Variants in CAST observed in about 807,000 individuals in gnomAD.
CAST encodes the protein MIR583 host.
Under a neutral mutation model 119.6 loss-of-function variants are expected in CAST, and 76 were observed. The observed-to-expected ratio is 0.64, with a 90% CI of 0.53 to 0.77. The LOEUF (loss-of-function observed/expected upper bound fraction) is 0.77, where lower values mean the gene tolerates loss of function less well. Ranked by LOEUF, CAST falls within the 30% of genes least tolerant of loss-of-function variation. The pLI, the probability that CAST is intolerant of heterozygous loss-of-function variation, is 0.00. For missense variants in CAST, 953 were observed against 946.5 expected (o/e 1.01, Z -0.09); for synonymous variants, 319 against 331.6 (o/e 0.96, Z 0.41).
the CAST span, among the ~76,000 whole-genome samples, chr5:95,994,943 C>T: frequency 6.6e-6 from 1 of 152,128 alleles, no homozygotes; most frequent in Non-Finnish European, 1.5e-5. Context: ...TCACACTGGG[C>T]AATATTTTTC....
At chr5:96,025,269 A>T in the CAST span, among the ~76,000 whole-genome samples, 1 of 152,032 alleles carries the variant, frequency 6.6e-6, no homozygotes, top group Non-Finnish European at 1.5e-5. Context: ...GTTTCTATGA[A>T]CCACTTCCTG....
At chr5:96,663,161 A>T in intron 1 of CAST, 1 of 702,656 alleles carries the variant, frequency 1.4e-6, no homozygotes, top group Non-Finnish European at 2.6e-6. Context: ...CTGGTGGTAC[A>T]AGACGGTAAA....
At chr5:96,197,081 C>T in the CAST span, among the ~76,000 whole-genome samples, 1 of 152,162 alleles carries the variant, frequency 6.6e-6, no homozygotes, top group African/African-American at 2.4e-5. Context: ...ACATGTTCAG[C>T]ACTTTCATTA....
the CAST span, among the ~76,000 whole-genome samples, chr5:96,293,316 T>A: frequency 6.6e-6 from 1 of 152,238 alleles, no homozygotes; most frequent in African/African-American, 2.4e-5. Flanking sequence ...TTCACTCTTT[T>A]TGCCCAGACT....
At chr5:96,168,698 A>T in the CAST span, among the ~76,000 whole-genome samples, 1 of 152,066 alleles carries the variant, frequency 6.6e-6, no homozygotes, top group Non-Finnish European at 1.5e-5. Context: ...AATGGGGTGA[A>T]TGTCAGGTGG....
At chr5:96,457,968 C>T in the CAST span, among the ~76,000 whole-genome samples, 15 of 152,190 alleles carry the variant, frequency 9.9e-5, no homozygotes, top group East Asian at 5.8e-4. Flanking sequence ...TGAAGGATGA[C>T]GTATATTTAC....
At chr5:96,557,657 G>C (rs191585750) in intron 1 of CAST, among the ~76,000 whole-genome samples, 165 of 152,252 alleles carry the variant, frequency 1.1e-3, no homozygotes, top group African/African-American at 3.7e-3. Context: ...AGAGCTAACT[G>C]TCCTAAATAT....
At chr5:96,357,982 C>T in the CAST span, among the ~76,000 whole-genome samples, 1 of 152,090 alleles carries the variant, frequency 6.6e-6, no homozygotes, top group Non-Finnish European at 1.5e-5. Flanking sequence ...TGTTGGTAGG[C>T]TATTAATTAC....
At chr5:96,186,590 C>A in the CAST span, among the ~76,000 whole-genome samples, 1 of 152,160 alleles carries the variant, frequency 6.6e-6, no homozygotes, top group Non-Finnish European at 1.5e-5. Context: ...GCTTTTTCTG[C>A]ATCTATTGAG....
chr5:96,412,524 T>A, the CAST span: 2 of 1,585,538 alleles, frequency 1.3e-6, no homozygotes, highest in Non-Finnish European at 1.7e-6. Flanking sequence ...CACACAAAGG[T>A]TGATGTCAGT....
At chr5:96,354,932 C>G in the CAST span, among the ~76,000 whole-genome samples, 16 of 151,694 alleles carry the variant, frequency 1.1e-4, no homozygotes, top group East Asian at 3.1e-3. Context: ...AGAGTATCTT[C>G]AGACACTAAA....
At chr5:96,109,952 A>G in the CAST span, among the ~76,000 whole-genome samples, 1 of 152,182 alleles carries the variant, frequency 6.6e-6, no homozygotes, top group Non-Finnish European at 1.5e-5. Context: ...AAGAAAAAAA[A>G]TAAAGCACCG....
chr5:96,726,814 G>C lies in CAST; in HGVS notation c.291G>C (p.Gln97His). The change falls in exon 5 of 32, where the codon CAG becomes CAC. Residue 97 changes from glutamine (Q) to histidine (H), a missense_variant. Transcript: ENST00000675179. Reference sequence around the variant, plus strand: ...ATTAGGCCATTCCAGTCAGCCAACAGATGGAAGGACCACATCTTCCTAACA... The same window carrying C: ...ATTAGGCCATTCCAGTCAGCCAACACATGGAAGGACCACATCTTCCTAACA... ...TETKAIPVSQ[Q>H]MEGPHLPNKK... is the part of the protein sequence containing the mutation. The C allele has an allele frequency of 1.2e-6, 2 of 1,613,482 alleles. No homozygotes were observed. Among genetic ancestry groups the C allele is most frequent in the Non-Finnish European group, 1.7e-6 (2 of 1,179,530 alleles).
the CAST span, among the ~76,000 whole-genome samples, chr5:96,250,215 A>G: frequency 6.6e-6 from 1 of 152,206 alleles, no homozygotes; most frequent in Non-Finnish European, 1.5e-5. Context: ...GTTGCAAGTA[A>G]CAGAGATCAC....
the CAST span, among the ~76,000 whole-genome samples, chr5:96,006,978 T>C: frequency 2.0e-5 from 3 of 152,224 alleles, no homozygotes; most frequent in Non-Finnish European, 2.9e-5. Flanking sequence ...AAAGCCCTAA[T>C]TGGCATAATA....
intron 1 of CAST, among the ~76,000 whole-genome samples, chr5:96,668,044 G>A (rs764168136): frequency 3.3e-5 from 5 of 152,014 alleles, no homozygotes; most frequent in Non-Finnish European, 7.4e-5. Flanking sequence ...AAATAAATAA[G>A]TATAATGACC....
At chr5:96,727,848 G>A (rs1759565631) in intron 6 of CAST, among the ~76,000 whole-genome samples, 1 of 152,198 alleles carries the variant, frequency 6.6e-6, no homozygotes, top group South Asian at 2.1e-4. Flanking sequence ...AAGAAAAAAG[G>A]CAAAGAGTAG....
At chr5:96,730,907 A>G (rs1236940365) in intron 9 of CAST, 47 bp downstream of exon 9, 21 of 1,379,564 alleles carry the variant, frequency 1.5e-5, no homozygotes, top group Non-Finnish European at 2.1e-5. Context: ...GTGCTTCTCA[A>G]GTTTCTTTTA....
chr5:96,036,277 T>A, the CAST span, among the ~76,000 whole-genome samples: 9 of 152,004 alleles, frequency 5.9e-5, no homozygotes, highest in African/African-American at 1.9e-4. Context: ...AACACTTTTT[T>A]AAAAAAGATT....
Sources: allele counts gnomAD v4.1 joint callset (sites outside exome capture counted in the v4.1 genomes callset), GRCh38; gene constraint gnomAD v4.1.1; transcripts MANE v1.5; gene names NCBI Gene and HGNC (gene_info 2026-07-23, HGNC 2026-07-21).